SFMBT2: variants seen among roughly 807,000 people sequenced by gnomAD.
SFMBT2 encodes Scm like with four mbt domains 2.
A neutral mutation model predicts 110.1 loss-of-function variants in SFMBT2; 38 were observed. That is an observed-to-expected ratio of 0.35 (90% CI 0.27 to 0.45). The LOEUF (loss-of-function observed/expected upper bound fraction) is 0.45. Ranked by LOEUF, SFMBT2 falls within the 20% of genes least tolerant of loss-of-function variation. The pLI is 1.00. For synonymous variants in SFMBT2, 425 were observed against 425.4 expected (o/e 1.00, Z 0.01); for missense variants, 1,011 against 1,094.9 (o/e 0.92, Z 1.08).
chr10:7,164,308 C>T, intron 20 of SFMBT2: 2 of 676,282 alleles, frequency 3.0e-6, no homozygotes, highest in Non-Finnish European at 3.7e-6. Flanking sequence ...ATCACCTGAA[C>T]CCAGGAGTTT....
chr10:7,370,176 C>T, intron 3 of SFMBT2, 105 bp downstream of exon 3: 1 of 1,020,078 alleles, frequency 9.8e-7, no homozygotes, highest in Non-Finnish European at 1.5e-6. Flanking sequence ...CACGAATTTC[C>T]CTCTTTCCTC....
In SFMBT2 at chr10:7,169,185, C is replaced by T. The variant is rs545129714; in HGVS notation, c.2544+1743G>A. On this transcript the variant is annotated intron_variant, in intron 20 of 20. Transcript: ENST00000397167. ...TTTGCCACGTTGGCCAGGCTGGTCTCGAACTCCTGACCTCAAGTGATCTGC... is the reference window on the plus strand; with the variant it reads ...TTTGCCACGTTGGCCAGGCTGGTCTTGAACTCCTGACCTCAAGTGATCTGC... Among the ~76,000 whole-genome samples the T allele has an allele frequency of 2.4e-4, 37 of 152,106 alleles. 1 individual carries two copies. Among genetic ancestry groups the T allele is most frequent in the Admixed American group, 2.1e-3 (32 of 15,278 alleles).
chr10:7,304,847 C>A (rs985383510), intron 4 of SFMBT2, among the ~76,000 whole-genome samples: 1 of 152,204 alleles, frequency 6.6e-6, no homozygotes, highest in Admixed American at 6.5e-5. Flanking sequence ...ACAGGTCCCA[C>A]CCTGTGCCTA....
At chr10:7,253,663 T>C (rs1264621450) in intron 7 of SFMBT2, among the ~76,000 whole-genome samples, 3 of 152,204 alleles carry the variant, frequency 2.0e-5, no homozygotes, top group Non-Finnish European at 4.4e-5. Flanking sequence ...GGTTGCAGCA[T>C]CCAAACACAG....
chr10:7,369,519 A>C (rs541452081), intron 3 of SFMBT2, among the ~76,000 whole-genome samples: 1 of 152,272 alleles, frequency 6.6e-6, no homozygotes, highest in South Asian at 2.1e-4. Context: ...TGGACATGCT[A>C]TTTGCATTAT....
intron 12 of SFMBT2, chr10:7,203,515 G>A (rs1385296426): frequency 9.5e-6 from 2 of 209,510 alleles, no homozygotes; most frequent in Non-Finnish European, 1.7e-5. Context: ...ACCTTAACCT[G>A]TATATGATTG....
At chr10:7,204,476 A>G in intron 12 of SFMBT2, 1 of 983,494 alleles carries the variant, frequency 1.0e-6, no homozygotes, top group Non-Finnish European at 1.2e-6. Flanking sequence ...ATCATTTTAA[A>G]TAACACTTCT....
intron 20 of SFMBT2, among the ~76,000 whole-genome samples, chr10:7,168,865 C>CCTG (rs1320386252): frequency 6.6e-6 from 1 of 152,134 alleles, no homozygotes; most frequent in East Asian, 1.9e-4. Flanking sequence ...GAAGTCTCTC[C>CCTG]CTGGTTGCTT....
intron 4 of SFMBT2, among the ~76,000 whole-genome samples, chr10:7,363,908 A>G (rs1228776428): frequency 2.6e-5 from 4 of 151,860 alleles, no homozygotes; most frequent in African/African-American, 9.7e-5. Context: ...AACATCATAC[A>G]CCCTGGATCG....
chr10:7,173,959 G>A (rs1325322659), intron 17 of SFMBT2, among the ~76,000 whole-genome samples: 1 of 152,158 alleles, frequency 6.6e-6, no homozygotes, highest in African/African-American at 2.4e-5. Context: ...TACAAAATGA[G>A]ACCATCAGGA....
In SFMBT2 at chr10:7,315,024, G is replaced by GAGGA. The variant is rs1554802824; in HGVS notation, c.437-29071_437-29070insTCCT. Reference sequence around the variant, plus strand: ...AAAAGAAAGAAAGAAAGAAAAGAGAGAGAAAGAAAGAAAGAGAAAGAAAGA... The same window carrying GAGGA: ...AAAAGAAAGAAAGAAAGAAAAGAGAGAGGAAGAAAGAAAGAAAGAGAAAGAAAGA... On this transcript the variant is annotated intron_variant, in intron 4 of 20. Coordinates refer to ENST00000397167, the MANE Select transcript of SFMBT2 (RefSeq NM_001387889.1). 2.0e-3 allele frequency among the ~76,000 whole-genome samples: 238 copies of GAGGA among 117,432 alleles called. 2 individuals carry two copies. Among genetic ancestry groups the GAGGA allele is most frequent in the Middle Eastern group, 4.3e-3 (1 of 232 alleles). The allele number at this position is 117,432 out of a possible 152,430, so 77.0% of individuals were successfully genotyped here.
chr10:7,198,892 T>G lies in SFMBT2; in HGVS notation c.1559-1205A>C, dbSNP rs923117150. ...CTCATCTCTACTAAAAATACAAAAA[T>G]TAGCCGGGCATGGTAGCATGCGCCT... On this transcript the variant is annotated intron_variant, in intron 14 of 20. Transcript: ENST00000397167. Among the ~76,000 whole-genome samples the G allele has an allele frequency of 2.6e-5, 4 of 151,790 alleles. No individual in the cohort carries two copies. In the East Asian group the frequency reaches 7.8e-4, roughly 30 times the overall value.
At chr10:7,358,976 C>T (rs1298662452) in intron 4 of SFMBT2, among the ~76,000 whole-genome samples, 2 of 152,224 alleles carry the variant, frequency 1.3e-5, no homozygotes, top group Non-Finnish European at 2.9e-5. Flanking sequence ...GAGTCAGAGG[C>T]TTGGATAGGA....
chr10:7,220,829 T>TC (rs71382091), intron 10 of SFMBT2, among the ~76,000 whole-genome samples: 5 of 146,840 alleles, frequency 3.4e-5, no homozygotes, highest in African/African-American at 1.3e-4. Flanking sequence ...CTTCCTTCTT[T>TC]TTTTTTTTTG....
In SFMBT2 at chr10:7,367,564, C is replaced by G; in HGVS notation, c.436+85G>C. ...CACTAAGACCATTAGGGATTCTACG[C>G]AAGGTTCTCTCTGCTCCTTGCAAAA... On this transcript the variant is annotated intron_variant, in intron 4 of 20. Coordinates refer to ENST00000397167, the MANE Select transcript of SFMBT2 (RefSeq NM_001387889.1). This position sits in a 1 kb window ranked among gnomAD's most constrained non-coding sequence, Gnocchi z 6.2. 6.5e-7 allele frequency: 1 copy of G among 1,530,680 alleles called. No homozygotes were observed. The highest frequency in any genetic ancestry group is 8.7e-7 in the Non-Finnish European group (1 of 1,143,686). 94.8% of individuals were successfully genotyped at this position (1,530,680 alleles called of 1,614,324 possible).
intron 6 of SFMBT2, among the ~76,000 whole-genome samples, chr10:7,281,496 T>C (rs901885168): frequency 2.0e-5 from 3 of 152,174 alleles, no homozygotes; most frequent in Admixed American, 2.0e-4. Context: ...TATGCAGGTA[T>C]GAAGTTTTAT....
intron 7 of SFMBT2, among the ~76,000 whole-genome samples, chr10:7,275,566 G>T (rs1841746778): frequency 6.6e-6 from 1 of 152,028 alleles, no homozygotes; most frequent in Non-Finnish European, 1.5e-5. Flanking sequence ...TAACAACATT[G>T]GCCACCACAA....
At chr10:7,349,516 G>T (rs1370624261) in intron 4 of SFMBT2, among the ~76,000 whole-genome samples, 1 of 134,906 alleles carries the variant, frequency 7.4e-6, no homozygotes, top group Non-Finnish European at 1.5e-5. Context: ...GGAGTGCAGT[G>T]GCATGATCTC....
intron 11 of SFMBT2, among the ~76,000 whole-genome samples, chr10:7,210,364 G>C (rs1313878323): frequency 6.6e-6 from 1 of 152,176 alleles, no homozygotes; most frequent in Non-Finnish European, 1.5e-5. Context: ...TCACAGGAGA[G>C]AGCGCGAGCA....
Sources: allele counts gnomAD v4.1 joint callset (sites outside exome capture counted in the v4.1 genomes callset), GRCh38; gene constraint gnomAD v4.1.1; non-coding constraint Gnocchi (gnomAD v3.1); transcripts MANE v1.5; gene names NCBI Gene and HGNC (gene_info 2026-07-23, HGNC 2026-07-21).